Variants in CCNK observed in about 807,000 individuals in gnomAD.
CCNK encodes the protein cyclin-K.
CCNK carries 9 observed loss-of-function variants against 65.0 expected under a neutral mutation model. The ratio of observed to expected loss-of-function variants is 0.14; its 90% CI spans 0.08 to 0.24. CCNK has a LOEUF of 0.24. Among genes scored for constraint, CCNK ranks in the 10% least tolerant of loss-of-function variants. CCNK has a pLI of 1.00. For missense variants in CCNK, 474 were observed against 720.0 expected, an observed-to-expected ratio of 0.66 and a Z score of 3.91; for synonymous variants, 279 against 270.8, an observed-to-expected ratio of 1.03 and a Z score of -0.30.
At chr14:99,502,409 G>C in intron 7 of CCNK, 33 bp downstream of exon 7, 1 of 1,603,290 alleles carries the variant, frequency 6.2e-7, no homozygotes, top group Non-Finnish European at 8.5e-7. Context: ...TCGTGAGGGT[G>C]TTCCATGTTG....
intron 4 of CCNK, among the ~76,000 whole-genome samples, chr14:99,498,434 T>C (rs185853034): frequency 2.6e-5 from 4 of 152,136 alleles, no homozygotes; most frequent in East Asian, 1.9e-4. Flanking sequence ...AGTGAAGACA[T>C]TGGGGAAGAT....
In CCNK at chr14:99,502,915, G is replaced by T. The variant is rs1379776671; in HGVS notation, c.942G>T (p.Gln314His). The T allele has an allele frequency of 6.2e-6, 10 of 1,613,750 alleles. No homozygotes were observed. The East Asian group carries it at 2.2e-4, about 36-fold the overall frequency. ...ACCCCCAGCAACCAGCCCAGCAGCA[G>T]CAGCCAGCCCAACAGCCCAAGAAAC... Reference protein sequence around the residue: ...QKDPQQPAQQQQPAQQPKKPS... With the variant: ...QKDPQQPAQQHQPAQQPKKPS... The change falls in exon 8 of 11, where the codon CAG (glutamine) becomes CAT (histidine). Residue 314 changes from glutamine (Q) to histidine (H), a missense_variant. Physicochemically the swap from Gln to His is conservative, Grantham distance 24. Coordinates refer to ENST00000389879, the MANE Select transcript of CCNK (RefSeq NM_001099402.2).
intron 4 of CCNK, among the ~76,000 whole-genome samples, chr14:99,496,289 A>G (rs941938372): frequency 2.0e-5 from 3 of 152,176 alleles, no homozygotes; most frequent in Non-Finnish European, 2.9e-5. Context: ...ATTATCCTTC[A>G]TAACATTTAT....
intron 1 of CCNK, among the ~76,000 whole-genome samples, chr14:99,489,102 C>G (rs995946677): frequency 6.6e-6 from 1 of 151,916 alleles, no homozygotes; most frequent in Non-Finnish European, 1.5e-5. Context: ...CTTCTTGGTA[C>G]TTGAAAAGGA....
intron 10 of CCNK, chr14:99,509,084 G>C (rs148799117): frequency 2.6e-5 from 4 of 152,320 alleles, no homozygotes; most frequent in Non-Finnish European, 5.9e-5. Flanking sequence ...TGCTCGCTTT[G>C]GCAAGATCAA....
chr14:99,482,163 C>T (rs1343976857), intron 1 of CCNK, among the ~76,000 whole-genome samples: 2 of 152,192 alleles, frequency 1.3e-5, no homozygotes, highest in African/African-American at 2.4e-5. Flanking sequence ...TTTAGACTGC[C>T]AGTTAAACGG....
intron 4 of CCNK, among the ~76,000 whole-genome samples, chr14:99,497,377 G>A (rs990145273): frequency 6.6e-6 from 1 of 152,186 alleles, no homozygotes; most frequent in African/African-American, 2.4e-5. Context: ...CTTTCACTTA[G>A]TGGTGTGCAT....
intron 4 of CCNK, among the ~76,000 whole-genome samples, chr14:99,497,628 G>T (rs888963756): frequency 2.0e-5 from 3 of 152,188 alleles, no homozygotes; most frequent in African/African-American, 4.8e-5. Context: ...CATTCATGGT[G>T]TTGTTTTTCC....
intron 1 of CCNK, among the ~76,000 whole-genome samples, chr14:99,486,165 A>G (rs539866986): frequency 6.6e-6 from 1 of 152,278 alleles, no homozygotes; most frequent in South Asian, 2.1e-4. Context: ...TTTCTTTAGC[A>G]TTTGTCACTG....
At chr14:99,489,295 C>T (rs1048870843) in intron 1 of CCNK, among the ~76,000 whole-genome samples, 1 of 152,068 alleles carries the variant, frequency 6.6e-6, no homozygotes, top group African/African-American at 2.4e-5. Context: ...TTGCTTTATT[C>T]CACAACATGC....
chr14:99,494,090 AAGG>A (rs1896649617), intron 3 of CCNK: 1 of 153,164 alleles, frequency 6.5e-6, no homozygotes, highest in Admixed American at 6.5e-5. Flanking sequence ...TGTGGCATTC[AAGG>A]AGGAGACAAC....
chr14:99,489,146 T>A (rs934916023), intron 1 of CCNK, among the ~76,000 whole-genome samples: 1 of 152,160 alleles, frequency 6.6e-6, no homozygotes, highest in African/African-American at 2.4e-5. Context: ...TATTTTTTTT[T>A]AACCATGATT....
At chr14:99,485,722 C>T (rs1566745598) in intron 1 of CCNK, among the ~76,000 whole-genome samples, 1 of 152,122 alleles carries the variant, frequency 6.6e-6, no homozygotes, top group African/African-American at 2.4e-5. Context: ...CAGCCAGGCA[C>T]GGTGGCTTAT....
chr14:99,503,025 C>T (rs940083894), intron 8 of CCNK, 41 bp downstream of exon 8: 2 of 1,607,074 alleles, frequency 1.2e-6, no homozygotes, highest in African/African-American at 2.7e-5. Context: ...GCAGGCTTTC[C>T]AGGTGGCGGC....
intron 1 of CCNK, among the ~76,000 whole-genome samples, chr14:99,489,601 T>C (rs1312969756): frequency 2.6e-5 from 4 of 152,240 alleles, no homozygotes; most frequent in African/African-American, 9.6e-5. Flanking sequence ...CCTTAGAATA[T>C]ATCTCACTAA....
chr14:99,492,793 A>G lies in CCNK; in HGVS notation c.116A>G (p.Glu39Gly), dbSNP rs778610231. The change falls in exon 2 of 11, where the codon GAA becomes GGA. Residue 39 changes from glutamate (E) to glycine (G), a missense_variant. By Grantham distance (98) the Glu-to-Gly change is moderately conservative. This residue lies in a region of CCNK where 87 missense variants were observed against 166.2 expected (regional missense o/e 0.52). Transcript: ENST00000389879. ...KDLAHTPSQL[E>G]GLDPATEARY... is the part of the protein sequence containing the mutation. ...TTGGCTCATACACCCTCACAACTTGAAGGACTTGATCCAGCCACCGAGGCC... is the reference window on the plus strand; with the variant it reads ...TTGGCTCATACACCCTCACAACTTGGAGGACTTGATCCAGCCACCGAGGCC... The G allele has an allele frequency of 6.2e-7, 1 of 1,613,338 alleles. No individual in the cohort carries two copies.
chr14:99,511,100 C>G lies in CCNK; in HGVS notation c.*318C>G, dbSNP rs2139889186. 1 of 213,542 alleles carries G rather than the reference C, an allele frequency of 4.7e-6. No individual in the cohort carries two copies. Among genetic ancestry groups the G allele is most frequent in the Non-Finnish European group, 9.2e-6 (1 of 108,522 alleles). The allele number at this position is 213,542 out of a possible 1,614,324, so 13.2% of individuals were successfully genotyped here. A position where few individuals can be genotyped will look rare whatever the true frequency, so the allele number is the denominator to read the frequency against. On this transcript the variant is annotated 3_prime_UTR_variant, in exon 11 of 11. Coordinates refer to ENST00000389879, the MANE Select transcript of CCNK (RefSeq NM_001099402.2). Reference sequence around the variant, plus strand: ...CCAGCCATATTGGCTCAATAAATAGCTTCGGTAAGGAGTTAATTTCCTTCT... The same window carrying G: ...CCAGCCATATTGGCTCAATAAATAGGTTCGGTAAGGAGTTAATTTCCTTCT...
chr14:99,503,848 A>G, intron 9 of CCNK: 1 of 573,040 alleles, frequency 1.7e-6, no homozygotes, highest in Non-Finnish European at 3.1e-6. Context: ...AGCTATCAGT[A>G]CAGAAAACAT....
At chr14:99,489,429 G>A (rs867681115) in intron 1 of CCNK, among the ~76,000 whole-genome samples, 5 of 152,194 alleles carry the variant, frequency 3.3e-5, no homozygotes, top group Non-Finnish European at 5.9e-5. Flanking sequence ...ACTTTGGGAG[G>A]CTAGGCGGGA....
Sources: gnomAD v4.1 joint callset for allele counts (sites outside exome capture counted in the v4.1 genomes callset) on GRCh38, gnomAD v4.1.1 for gene constraint, gnomAD v4.1.1 regional missense constraint, MANE v1.5 for transcripts, NCBI Gene and HGNC (gene_info 2026-07-23, HGNC 2026-07-21) for gene names.